TNS1: variants seen among roughly 807,000 people sequenced by gnomAD.
The protein encoded by TNS1 is tensin 1, also known as tensin-1.
A neutral mutation model predicts 168.6 loss-of-function variants in TNS1; 62 were observed. The observed-to-expected ratio is 0.37, with a 90% confidence interval of 0.30 to 0.45. The LOEUF is 0.45. Among genes scored for constraint, TNS1 ranks in the 20% least tolerant of loss-of-function variants. TNS1 has a pLI of 1.00. For synonymous variants in TNS1, 934 were observed against 933.2 expected, an observed-to-expected ratio of 1.00 and a Z score of -0.02; for missense variants, 2,240 against 2,339.4, an observed-to-expected ratio of 0.96 and a Z score of 0.88.
chr2:217,951,580 GGA>G (rs1957243305), intron 3 of TNS1, among the ~76,000 whole-genome samples: 1 of 152,132 alleles, frequency 6.6e-6, no homozygotes, highest in African/African-American at 2.4e-5. Flanking sequence ...GGGCCTGGCT[GGA>G]CCACATTCCA....
intron 3 of TNS1, among the ~76,000 whole-genome samples, chr2:217,953,779 T>C (rs1957297643): frequency 6.6e-6 from 1 of 152,072 alleles, no homozygotes; most frequent in Non-Finnish European, 1.5e-5. Context: ...GGAGCCCAGC[T>C]CTAAAGAGGC....
intron 8 of TNS1, among the ~76,000 whole-genome samples, chr2:217,895,720 C>A (rs1952222552): frequency 6.6e-6 from 1 of 152,212 alleles, no homozygotes. Flanking sequence ...GGTCCCATTC[C>A]TGACCACTGG....
chr2:217,825,532 C>T lies in TNS1; in HGVS notation c.3374-3594G>A, dbSNP rs974735497. 4.6e-5 allele frequency among the ~76,000 whole-genome samples: 7 copies of T among 152,234 alleles called. No individual in the cohort carries two copies. The East Asian group carries it at 5.8e-4, about 13-fold the overall frequency. On this transcript the variant is annotated intron_variant, in intron 22 of 32. Transcript: ENST00000682258. ...AGTTTCCCACCAGGCCCCTGACCCA[C>T]ACATTAGGTAAGCAATTCACATTGC...
intron 3 of TNS1, among the ~76,000 whole-genome samples, chr2:217,933,580 G>C (rs922266704): frequency 4.6e-5 from 7 of 152,168 alleles, no homozygotes; most frequent in African/African-American, 1.7e-4. Context: ...GGGGAAAGGA[G>C]CCCATATGTA....
chr2:217,925,406 G>C (rs1955965483), intron 3 of TNS1, among the ~76,000 whole-genome samples: 1 of 152,130 alleles, frequency 6.6e-6, no homozygotes, highest in South Asian at 2.1e-4. Context: ...CACCAAGAAA[G>C]AGCCAACCTC....
chr2:217,870,443 T>A (rs769595290), intron 18 of TNS1, among the ~76,000 whole-genome samples: 1 of 152,188 alleles, frequency 6.6e-6, no homozygotes, highest in Non-Finnish European at 1.5e-5. Context: ...GAAAAAGTAT[T>A]TGATTGATAG....
chr2:217,941,778 T>C (rs1382165272), intron 3 of TNS1, among the ~76,000 whole-genome samples: 1 of 152,142 alleles, frequency 6.6e-6, no homozygotes, highest in Non-Finnish European at 1.5e-5. Flanking sequence ...AGATAGCCCA[T>C]CCTCCTGCTG....
At chr2:217,910,337 C>A (rs1191202174) in intron 4 of TNS1, among the ~76,000 whole-genome samples, 2 of 152,064 alleles carry the variant, frequency 1.3e-5, no homozygotes, top group African/African-American at 2.4e-5. Flanking sequence ...CAAGTCCCCA[C>A]CCCCTGCACC....
chr2:217,982,666 G>A (rs1958084897), intron 2 of TNS1, among the ~76,000 whole-genome samples: 1 of 152,128 alleles, frequency 6.6e-6, no homozygotes, highest in African/African-American at 2.4e-5. Context: ...GTTTCCAAAA[G>A]TGCTAGGATT....
intron 3 of TNS1, among the ~76,000 whole-genome samples, chr2:217,954,091 T>A (rs1236360665): frequency 1.3e-5 from 2 of 152,188 alleles, no homozygotes; most frequent in Non-Finnish European, 2.9e-5. Flanking sequence ...CTTGGGCTAA[T>A]AAGCCCGCCA....
At chr2:218,023,025 T>C (rs1303249026) in intron 1 of TNS1, among the ~76,000 whole-genome samples, 1 of 152,138 alleles carries the variant, frequency 6.6e-6, no homozygotes, top group Non-Finnish European at 1.5e-5. Flanking sequence ...TGGCCTCACG[T>C]CTGGCTGGAA....
chr2:217,932,133 G>A (rs1956356851), intron 3 of TNS1, among the ~76,000 whole-genome samples: 1 of 152,142 alleles, frequency 6.6e-6, no homozygotes, highest in Non-Finnish European at 1.5e-5. Context: ...ACCCAAACCT[G>A]GTACCTGGGA....
rs374916976 is a variant in TNS1, at chr2:217,894,943, T to C, written c.594+63A>G. On this transcript the variant is annotated intron_variant, in intron 9 of 32. Transcript: ENST00000682258. ...TTCCCCAAGATTATTATGTGGGAAC[T>C]CCAGAGAGGGAGTCCATCTGTTCTC... The C allele has an allele frequency of 2.1e-4, 319 of 1,489,660 alleles. 2 individuals are homozygous for C. The African/African-American group carries it at 3.9e-3, about 18-fold the overall frequency. The allele number at this position is 1,489,660 out of a possible 1,614,324, so 92.3% of individuals were successfully genotyped here.
chr2:217,963,761 A>G (rs79449486), intron 3 of TNS1, among the ~76,000 whole-genome samples: 2 of 147,948 alleles, frequency 1.4e-5, no homozygotes, highest in Non-Finnish European at 3.0e-5. Context: ...AAAAAAAAAA[A>G]GGCCAGGCTC....
chr2:217,857,998 A>G (rs1273157264), intron 18 of TNS1, among the ~76,000 whole-genome samples: 1 of 152,112 alleles, frequency 6.6e-6, no homozygotes, highest in Non-Finnish European at 1.5e-5. Context: ...CAAAGTCAGG[A>G]GAAAGCCGTG....
At chr2:217,830,330 C>T (rs1331065875) in intron 22 of TNS1, 1 of 1,613,706 alleles carries the variant, frequency 6.2e-7, no homozygotes. Flanking sequence ...AGCTGCGTGG[C>T]TTCATGGGTC....
At chr2:217,884,529 C>CA (rs1445629836) in intron 16 of TNS1, among the ~76,000 whole-genome samples, 1 of 152,174 alleles carries the variant, frequency 6.6e-6, no homozygotes, top group Non-Finnish European at 1.5e-5. Context: ...TTGCTGCTGC[C>CA]ACACCCCTCC....
At chr2:217,920,141 G>A (rs1955565308) in intron 4 of TNS1, 54 bp downstream of exon 4, 1 of 702,866 alleles carries the variant, frequency 1.4e-6, no homozygotes, top group East Asian at 2.7e-5. Flanking sequence ...GCAGCTGGGA[G>A]CTGCGGAGGG....
At chr2:217,918,016 G>A (rs1955270900) in intron 4 of TNS1, among the ~76,000 whole-genome samples, 1 of 152,056 alleles carries the variant, frequency 6.6e-6, no homozygotes, top group Non-Finnish European at 1.5e-5. Flanking sequence ...GATGAGGTGA[G>A]AGAGGAAAAT....
Sources: gnomAD v4.1 joint callset for allele counts (sites outside exome capture counted in the v4.1 genomes callset) on GRCh38, gnomAD v4.1.1 for gene constraint, MANE v1.5 for transcripts, NCBI Gene and HGNC (gene_info 2026-07-23, HGNC 2026-07-21) for gene names.